Variants in EFCAB6 observed in about 807,000 individuals in gnomAD.
EFCAB6 encodes EF-hand calcium binding domain 6.
Under a neutral mutation model 169.8 loss-of-function variants are expected in EFCAB6, and 156 were observed. That is an observed-to-expected ratio of 0.92 (90% CI 0.81 to 1.05). The LOEUF (loss-of-function observed/expected upper bound fraction) is 1.05, where lower values mean the gene tolerates loss of function less well. EFCAB6 is among the 50% of genes least tolerant of loss of function. EFCAB6 has a pLI of 0.00. For missense variants in EFCAB6, 1,800 were observed against 1,829.1 expected, an observed-to-expected ratio of 0.98 and a Z score of 0.29; for synonymous variants, 698 against 676.4, an observed-to-expected ratio of 1.03 and a Z score of -0.50.
At chr22:43,663,985 C>G (rs1244763454) in intron 17 of EFCAB6, among the ~76,000 whole-genome samples, 1 of 152,222 alleles carries the variant, frequency 6.6e-6, no homozygotes, top group Non-Finnish European at 1.5e-5. Flanking sequence ...TGCTGGGTTT[C>G]TGCTTTTCCT....
At chr22:43,757,988 ATTTG>A (rs2061019587) in intron 5 of EFCAB6, among the ~76,000 whole-genome samples, 1 of 152,142 alleles carries the variant, frequency 6.6e-6, no homozygotes, top group African/African-American at 2.4e-5. Context: ...GGATTTCACT[ATTTG>A]TTATCTAGAC....
chr22:43,703,851 A>C (rs1304956832), intron 10 of EFCAB6, among the ~76,000 whole-genome samples: 3 of 152,094 alleles, frequency 2.0e-5, no homozygotes, highest in Non-Finnish European at 2.9e-5. Context: ...AAGCAGATGA[A>C]GAAAACCTAT....
chr22:43,747,459 G>A (rs1018937752), intron 6 of EFCAB6, among the ~76,000 whole-genome samples: 1 of 152,172 alleles, frequency 6.6e-6, no homozygotes, highest in Admixed American at 6.5e-5. Flanking sequence ...TGTAGAGGGT[G>A]AGGGAAAGGA....
intron 19 of EFCAB6, among the ~76,000 whole-genome samples, chr22:43,627,789 C>T (rs556523826): frequency 1.2e-4 from 19 of 152,292 alleles, no homozygotes; most frequent in African/African-American, 4.6e-4. Context: ...CTTAGGATAT[C>T]AAGCAAGACC....
At chr22:43,589,519 G>A (rs377038858) in intron 24 of EFCAB6, among the ~76,000 whole-genome samples, 3 of 152,274 alleles carry the variant, frequency 2.0e-5, no homozygotes, top group Admixed American at 6.5e-5. Flanking sequence ...TGGGCGCAGT[G>A]GCTCACGCCT....
chr22:43,779,136 TAA>T (rs2061731929), intron 3 of EFCAB6, among the ~76,000 whole-genome samples: 1 of 152,094 alleles, frequency 6.6e-6, no homozygotes, highest in Non-Finnish European at 1.5e-5. Context: ...ATCTAAAAAT[TAA>T]AAATACAATA....
intron 6 of EFCAB6, among the ~76,000 whole-genome samples, chr22:43,747,911 T>C (rs1296160623): frequency 6.6e-6 from 1 of 152,142 alleles, no homozygotes; most frequent in Admixed American, 6.5e-5. Flanking sequence ...ATTCCCTAAC[T>C]CCTCCTGATC....
intron 15 of EFCAB6, among the ~76,000 whole-genome samples, chr22:43,669,954 A>C (rs1232487417): frequency 6.6e-6 from 1 of 152,140 alleles, no homozygotes; most frequent in Admixed American, 6.5e-5. Context: ...TCATGTCCTC[A>C]CTCTGACCAC....
intron 17 of EFCAB6, among the ~76,000 whole-genome samples, chr22:43,641,435 G>A (rs2055791828): frequency 6.6e-6 from 1 of 152,100 alleles, no homozygotes; most frequent in African/African-American, 2.4e-5. Context: ...GGCCAACATG[G>A]TGAAACCCTG....
intron 17 of EFCAB6, among the ~76,000 whole-genome samples, chr22:43,660,172 T>C (rs976970388): frequency 6.6e-6 from 1 of 152,248 alleles, no homozygotes; most frequent in African/African-American, 2.4e-5. Context: ...AAATTCCTGA[T>C]AGATTGTACA....
chr22:43,723,883 C>T lies in EFCAB6; in HGVS notation c.758-6911G>A, dbSNP rs367800649. Among the ~76,000 whole-genome samples, 36 of 152,170 alleles carry T rather than the reference C, an allele frequency of 2.4e-4. No homozygotes were observed. The East Asian group carries it at 5.4e-3, about 23-fold the overall frequency. On this transcript the variant is annotated intron_variant, in intron 8 of 31. Coordinates refer to ENST00000262726, the MANE Select transcript of EFCAB6 (RefSeq NM_022785.4). Reference sequence around the variant, plus strand: ...AGATGGCCCTGGGCAGCAAGCCCATCGAGCAGGCTTTTTAGGGTAATTGCC... The same window carrying T: ...AGATGGCCCTGGGCAGCAAGCCCATTGAGCAGGCTTTTTAGGGTAATTGCC...
chr22:43,738,425 TCACA>T (rs1233423605), intron 6 of EFCAB6, among the ~76,000 whole-genome samples: 2 of 146,176 alleles, frequency 1.4e-5, no homozygotes, highest in Non-Finnish European at 1.5e-5. Flanking sequence ...ACACATACAT[TCACA>T]TACATATGCA....
chr22:43,755,621 T>C (rs188442286), intron 6 of EFCAB6, 145 bp downstream of exon 6: 1 of 730,220 alleles, frequency 1.4e-6, no homozygotes, highest in East Asian at 2.8e-5. Context: ...TGGCTTGTTA[T>C]CAGAAGATCT....
intron 30 of EFCAB6, among the ~76,000 whole-genome samples, chr22:43,531,618 T>C (rs569545116): frequency 2.0e-5 from 3 of 152,296 alleles, no homozygotes; most frequent in African/African-American, 7.2e-5. Flanking sequence ...CTTGGGAAAG[T>C]TGAATTTTAA....
chr22:43,550,261 A>AG (rs2048306209), intron 27 of EFCAB6, among the ~76,000 whole-genome samples: 1 of 152,200 alleles, frequency 6.6e-6, no homozygotes, highest in Admixed American at 6.5e-5. Flanking sequence ...AGGGTCACAC[A>AG]GCTGGATGAG....
chr22:43,762,727 T>C (rs1217430972), intron 5 of EFCAB6, among the ~76,000 whole-genome samples: 4 of 152,222 alleles, frequency 2.6e-5, no homozygotes, highest in Non-Finnish European at 5.9e-5. Flanking sequence ...ATGATCTCTT[T>C]CATCTCAAAT....
At position 43,667,177 on chromosome 22, in the gene EFCAB6, G is replaced by A. The variant is rs770528133; in HGVS notation, c.1910C>T (p.Pro637Leu). ...GTCAAGAAATCGTTTTTTGAATGCC[G>A]GGTCCTGCTGCTGTATACACTTTTT... ...KFKKCIQQQD[P>L]AFKKRFLDFS... Residue 637 changes from proline (P) to leucine (L), a missense_variant, in exon 17 of 32, where the codon CCG becomes CTG. Pro to Leu is a moderately conservative substitution (Grantham distance 98). Transcript: ENST00000262726. 5 of 1,613,868 alleles carry A rather than the reference G, an allele frequency of 3.1e-6. No individual in the cohort carries two copies. The highest frequency in any genetic ancestry group is 3.4e-6 in the Non-Finnish European group (4 of 1,179,934).
intron 28 of EFCAB6, among the ~76,000 whole-genome samples, chr22:43,539,398 G>C (rs1362410811): frequency 6.6e-6 from 1 of 152,216 alleles, no homozygotes; most frequent in Non-Finnish European, 1.5e-5. Flanking sequence ...TTCATTCTCA[G>C]CTATAGAAAA....
At chr22:43,791,478 G>T (rs1433207121) in intron 2 of EFCAB6, among the ~76,000 whole-genome samples, 1 of 152,032 alleles carries the variant, frequency 6.6e-6, no homozygotes, top group Non-Finnish European at 1.5e-5. Flanking sequence ...AAGGTCAAAG[G>T]GCTGAGCCTT....
Sources: allele counts gnomAD v4.1 joint callset (sites outside exome capture counted in the v4.1 genomes callset), GRCh38; gene constraint gnomAD v4.1.1; transcripts MANE v1.5; gene names NCBI Gene and HGNC (gene_info 2026-07-23, HGNC 2026-07-21).